RNF150: variants seen among roughly 807,000 people sequenced by gnomAD.
The protein encoded by RNF150 is ring finger protein 150.
A neutral mutation model predicts 39.3 loss-of-function variants in RNF150; 24 were observed. That is an observed-to-expected ratio of 0.61 (90% confidence interval 0.44 to 0.86). The LOEUF (loss-of-function observed/expected upper bound fraction) is 0.86. Among genes scored for constraint, RNF150 ranks in the 40% least tolerant of loss-of-function variants. The pLI, the probability that RNF150 is intolerant of heterozygous loss-of-function variation, is 0.00. For missense variants in RNF150, 502 were observed against 587.8 expected (o/e 0.85, Z 1.51); for synonymous variants, 255 against 227.3 (o/e 1.12, Z -1.10).
chr4:140,958,168 T>A (rs1732855937), intron 2 of RNF150, among the ~76,000 whole-genome samples: 2 of 152,132 alleles, frequency 1.3e-5, no homozygotes, highest in Admixed American at 6.6e-5. Flanking sequence ...ATTTAAAGTA[T>A]ATGGGAGGAT....
intron 1 of RNF150, among the ~76,000 whole-genome samples, chr4:141,005,254 G>A (rs1734821005): frequency 6.6e-6 from 1 of 152,186 alleles, no homozygotes. Flanking sequence ...TCCAAGTAGA[G>A]ATACTGAGTG....
intron 1 of RNF150, among the ~76,000 whole-genome samples, chr4:141,140,418 A>T (rs1727099953): frequency 6.6e-6 from 1 of 152,224 alleles, no homozygotes; most frequent in South Asian, 2.1e-4. Flanking sequence ...GAGGCTAGAT[A>T]TGGAAAGTCA....
At chr4:141,014,766 A>G (rs895525189) in intron 1 of RNF150, among the ~76,000 whole-genome samples, 1 of 147,564 alleles carries the variant, frequency 6.8e-6, no homozygotes, top group Admixed American at 7.0e-5. Flanking sequence ...GTTTGTAAAT[A>G]TTTTCTGTAG....
intron 1 of RNF150, among the ~76,000 whole-genome samples, chr4:141,141,179 G>A (rs142209401): frequency 1.0e-3 from 157 of 152,228 alleles, no homozygotes; most frequent in African/African-American, 3.7e-3. Flanking sequence ...GCCAGGTCCT[G>A]TGCTGGTTTT....
intron 5 of RNF150, among the ~76,000 whole-genome samples, chr4:140,916,440 T>TTCC (rs2111289891): frequency 6.6e-6 from 1 of 152,216 alleles, no homozygotes; most frequent in African/African-American, 2.4e-5. Context: ...GAAGAAAGGG[T>TTCC]ATCAGCGATG....
intron 2 of RNF150, among the ~76,000 whole-genome samples, chr4:140,962,147 AAC>A (rs1310167031): frequency 6.6e-6 from 1 of 151,398 alleles, no homozygotes; most frequent in African/African-American, 2.4e-5. Flanking sequence ...CATATGAAGA[AAC>A]ACATATAGTT....
chr4:141,081,625 C>T (rs544089159), intron 1 of RNF150, among the ~76,000 whole-genome samples: 3 of 152,108 alleles, frequency 2.0e-5, no homozygotes, highest in Admixed American at 6.5e-5. Flanking sequence ...TAGGCAAAGA[C>T]AAAATAGAGG....
At chr4:141,208,949 C>T (rs1728418945) in intron 1 of RNF150, among the ~76,000 whole-genome samples, 1 of 152,100 alleles carries the variant, frequency 6.6e-6, no homozygotes, top group Non-Finnish European at 1.5e-5. Flanking sequence ...AGAGCAGATA[C>T]TATACATCCT....
At chr4:141,183,166 T>TGTGTAGAGAA (rs138171664) in intron 1 of RNF150, among the ~76,000 whole-genome samples, 1,717 of 152,318 alleles carry the variant, frequency 0.011, 38 homozygotes, top group African/African-American at 0.038. Context: ...ATTATGGTTA[T>TGTGTAGAGAA]GTGTAGAGAA....
intron 4 of RNF150, 89 bp from the exon 5 acceptor site, chr4:140,926,162 A>C: frequency 4.4e-6 from 4 of 900,398 alleles, no homozygotes; most frequent in Non-Finnish European, 7.2e-6. Context: ...AAGGTCACAA[A>C]ATTACTCAGT....
intron 1 of RNF150, among the ~76,000 whole-genome samples, chr4:141,181,821 C>T (rs1307358192): frequency 6.6e-6 from 1 of 152,102 alleles, no homozygotes; most frequent in Non-Finnish European, 1.5e-5. Context: ...TCATGTCATA[C>T]CAATGGAAAA....
chr4:141,029,136 A>C (rs894321633), intron 1 of RNF150, among the ~76,000 whole-genome samples: 3 of 152,176 alleles, frequency 2.0e-5, no homozygotes, highest in Non-Finnish European at 4.4e-5. Context: ...GAATACATTG[A>C]TATGCCCGGA....
chr4:141,030,419 T>C (rs1232319228), intron 1 of RNF150, among the ~76,000 whole-genome samples: 2 of 152,120 alleles, frequency 1.3e-5, no homozygotes, highest in African/African-American at 2.4e-5. Flanking sequence ...AAAATTATCA[T>C]ATGCTCCAGG....
chr4:140,903,267 C>T (rs1456240386), intron 6 of RNF150, among the ~76,000 whole-genome samples: 3 of 152,138 alleles, frequency 2.0e-5, no homozygotes, highest in Non-Finnish European at 4.4e-5. Flanking sequence ...CAATAATGTT[C>T]TAATAGTGAC....
At chr4:141,156,010 G>C (rs1476190388) in intron 1 of RNF150, among the ~76,000 whole-genome samples, 1 of 150,610 alleles carries the variant, frequency 6.6e-6, no homozygotes, top group Admixed American at 6.6e-5. Flanking sequence ...GGAAAAAGGA[G>C]GCAACATGGA....
At chr4:140,963,037 T>C (rs1733100947) in intron 2 of RNF150, among the ~76,000 whole-genome samples, 1 of 152,180 alleles carries the variant, frequency 6.6e-6, no homozygotes, top group Non-Finnish European at 1.5e-5. Flanking sequence ...GAATTAAAAA[T>C]ACCTGAAAGG....
intron 1 of RNF150, among the ~76,000 whole-genome samples, chr4:140,976,494 C>T (rs1560996151): frequency 6.6e-6 from 1 of 151,968 alleles, no homozygotes; most frequent in Non-Finnish European, 1.5e-5. Flanking sequence ...GCCTCCATTG[C>T]TCCCTAGACA....
chr4:141,106,918 G>A (rs6813119), intron 1 of RNF150, among the ~76,000 whole-genome samples: 9,107 of 152,040 alleles, frequency 0.06, 821 homozygotes, highest in African/African-American at 0.19. Flanking sequence ...ATGAAATCAG[G>A]TAGAGGAAAG....
intron 5 of RNF150, among the ~76,000 whole-genome samples, chr4:140,912,146 C>T (rs112594113): frequency 6.6e-5 from 10 of 152,258 alleles, no homozygotes; most frequent in South Asian, 2.1e-4. Context: ...GCAGTGTTGG[C>T]GTCTATTATT....
Sources: gnomAD v4.1 joint callset for allele counts (sites outside exome capture counted in the v4.1 genomes callset) on GRCh38, gnomAD v4.1.1 for gene constraint, MANE v1.5 for transcripts, NCBI Gene and HGNC (gene_info 2026-07-23, HGNC 2026-07-21) for gene names.